ANTXR2: variants seen among roughly 807,000 people sequenced by gnomAD.
ANTXR2 encodes the protein anthrax toxin receptor 2.
A neutral mutation model predicts 73.7 loss-of-function variants in ANTXR2; 44 were observed. The observed-to-expected ratio is 0.60, with a 90% CI of 0.47 to 0.77. The LOEUF (loss-of-function observed/expected upper bound fraction) is 0.77, where lower values mean the gene tolerates loss of function less well. ANTXR2 is among the 30% of genes least tolerant of loss of function. The pLI is 0.00. For missense variants in ANTXR2, 604 were observed against 592.5 expected, an observed-to-expected ratio of 1.02 and a Z score of -0.20; for synonymous variants, 217 against 205.9, an observed-to-expected ratio of 1.05 and a Z score of -0.46.
chr4:80,066,789 G>C (rs1734518455), intron 3 of ANTXR2, among the ~76,000 whole-genome samples: 1 of 152,100 alleles, frequency 6.6e-6, no homozygotes, highest in Admixed American at 6.5e-5. Context: ...AGCATAAAGA[G>C]GTTAAGCAAC....
chr4:80,017,070 C>T (rs1383630728), intron 11 of ANTXR2, among the ~76,000 whole-genome samples: 1 of 152,234 alleles, frequency 6.6e-6, no homozygotes, highest in Non-Finnish European at 1.5e-5. Context: ...CAAATCATGT[C>T]ACCTTCCAAG....
At chr4:80,019,848 C>T (rs1732071666) in intron 10 of ANTXR2, among the ~76,000 whole-genome samples, 1 of 151,948 alleles carries the variant, frequency 6.6e-6, no homozygotes, top group South Asian at 2.1e-4. Flanking sequence ...AAATATAGTT[C>T]TTATTTTGAA....
chr4:79,936,932 C>A (rs1205248453), intron 16 of ANTXR2, among the ~76,000 whole-genome samples: 3 of 151,994 alleles, frequency 2.0e-5, no homozygotes, highest in Non-Finnish European at 4.4e-5. Context: ...TTTTTTCTAT[C>A]ACTTGTATAA....
chr4:79,952,123 G>A (rs1415956008), intron 16 of ANTXR2, among the ~76,000 whole-genome samples: 1 of 151,250 alleles, frequency 6.6e-6, no homozygotes, highest in African/African-American at 2.4e-5. Flanking sequence ...ATTATTTGAT[G>A]TGGAATTATA....
intron 16 of ANTXR2, among the ~76,000 whole-genome samples, chr4:79,952,007 G>A (rs531381730): frequency 2.6e-5 from 4 of 151,960 alleles, no homozygotes; most frequent in Middle Eastern, 3.4e-3. Context: ...AAATATTTTG[G>A]GGTTTCAAAG....
In ANTXR2 at chr4:80,055,416, T is replaced by A. The variant is rs771110383; in HGVS notation, c.430A>T (p.Ile144Phe). The change falls in exon 5 of 17, where the codon ATT becomes TTT. Residue 144 changes from isoleucine (I) to phenylalanine (F), a missense_variant. Ile to Phe is a conservative substitution (Grantham distance 21). Transcript: ENST00000403729. The stretch of plus-strand genomic sequence containing the variant: ...TCCAACTTGCCATCTGTCAGAGCAA[T>A]TATGATACTGGAGGTTTTCAAGCCT... The part of the protein sequence containing the change: ...AGGLKTSSII[I>F]ALTDGKLDGL... 6.2e-7 allele frequency: 1 copy of A among 1,611,218 alleles called. No individual in the cohort carries two copies. Among genetic ancestry groups the A allele is most frequent in the East Asian group, 2.2e-5 (1 of 44,802 alleles).
At chr4:80,008,244 T>C (rs1731404280) in intron 12 of ANTXR2, among the ~76,000 whole-genome samples, 1 of 152,208 alleles carries the variant, frequency 6.6e-6, no homozygotes, top group African/African-American at 2.4e-5. Flanking sequence ...TCTCTTGCAC[T>C]TGAATGAAAA....
At chr4:79,963,948 A>G (rs1316465437) in intron 16 of ANTXR2, among the ~76,000 whole-genome samples, 1 of 152,236 alleles carries the variant, frequency 6.6e-6, no homozygotes, top group Non-Finnish European at 1.5e-5. Context: ...ATAGGAATGA[A>G]GTCTTTATGA....
In ANTXR2 at chr4:79,973,465, G is replaced by A. The variant is rs527459283; in HGVS notation, c.1428+4156C>T. Among the ~76,000 whole-genome samples the A allele has an allele frequency of 1.8e-4, 28 of 151,986 alleles. No individual in the cohort carries two copies. The South Asian group carries it at 2.9e-3, about 16-fold the overall frequency. On this transcript the variant is annotated intron_variant, in intron 16 of 16. Transcript: ENST00000403729. ...CTGTTGTCCAGGCTGGAGGGCAGTG[G>A]TGCGATCTCAGCTCACTACTGCGAT...
rs1228326076 is a variant in ANTXR2, at chr4:79,902,979, A to C, written c.*4450T>G. 1 of 151,860 alleles carries C rather than the reference A, an allele frequency of 6.6e-6. No homozygotes were observed. The highest frequency in any genetic ancestry group is 1.9e-4 in the East Asian group (1 of 5,168). 9.4% of individuals were successfully genotyped at this position (151,860 alleles called of 1,614,324 possible). On this transcript the variant is annotated 3_prime_UTR_variant, in exon 17 of 17. Coordinates refer to ENST00000403729, the MANE Select transcript of ANTXR2 (RefSeq NM_058172.6). Reference sequence around the variant, plus strand: ...AGTCTGAGCAACATAGCGAAACCCCATTTCTACAAAAATACAAGAGTTAGC... The same window carrying C: ...AGTCTGAGCAACATAGCGAAACCCCCTTTCTACAAAAATACAAGAGTTAGC...
chr4:79,918,942 G>A (rs569384270), intron 16 of ANTXR2, among the ~76,000 whole-genome samples: 3 of 152,140 alleles, frequency 2.0e-5, no homozygotes, highest in Non-Finnish European at 4.4e-5. Flanking sequence ...TGCAATGTTC[G>A]CATATTGTTC....
At position 79,986,152 on chromosome 4, in the gene ANTXR2, A is replaced by G. The variant is rs575928133; in HGVS notation, c.1042-1289T>C. On this transcript the variant is annotated intron_variant, in intron 12 of 16. Coordinates refer to ENST00000403729, the MANE Select transcript of ANTXR2 (RefSeq NM_058172.6). ...ATAGAATGGGGCTTAATTTGAAATG[A>G]CCTTTACTGGTATTGGGCTATCTGG... is the stretch of plus-strand genomic sequence containing the variant. 3.9e-5 allele frequency among the ~76,000 whole-genome samples: 6 copies of G among 152,176 alleles called. No individual in the cohort carries two copies. The East Asian group carries it at 9.7e-4, about 25-fold the overall frequency.
chr4:80,065,596 C>T (rs1188732598), intron 3 of ANTXR2, among the ~76,000 whole-genome samples: 2 of 152,142 alleles, frequency 1.3e-5, no homozygotes, highest in Non-Finnish European at 2.9e-5. Flanking sequence ...TTTTAAGTTA[C>T]GAGTATATAA....
rs142580238 is a variant in ANTXR2, at chr4:79,979,474, T to C, written c.1180-1300A>G. ...AATTAGTGGGTAGGGATAGAGAAGA[T>C]TACTATTCATGGAAAGAACTATTCA... On this transcript the variant is annotated intron_variant, in intron 14 of 16. Transcript: ENST00000403729. 3.9e-5 allele frequency among the ~76,000 whole-genome samples: 6 copies of C among 152,280 alleles called. No homozygotes were observed. In the East Asian group the frequency reaches 1.2e-3, roughly 29 times the overall value.
intron 16 of ANTXR2, among the ~76,000 whole-genome samples, chr4:79,963,159 G>T (rs1376273034): frequency 6.6e-6 from 1 of 152,102 alleles, no homozygotes; most frequent in Admixed American, 6.5e-5. Flanking sequence ...CCTTGAGAAG[G>T]TTGTAATCAT....
chr4:80,031,602 T>C (rs1167923214), intron 10 of ANTXR2, 21 bp downstream of exon 10: 1 of 1,434,822 alleles, frequency 7.0e-7, no homozygotes, highest in Admixed American at 2.8e-5. Flanking sequence ...GTTATAAAAT[T>C]GTTTTAAATT....
chr4:80,051,590 C>T (rs982860580), intron 7 of ANTXR2, among the ~76,000 whole-genome samples: 4 of 151,640 alleles, frequency 2.6e-5, no homozygotes, highest in African/African-American at 9.7e-5. Context: ...ACCATGTTTG[C>T]CTGGATAGAA....
At chr4:80,014,543 C>G (rs566278394) in intron 11 of ANTXR2, among the ~76,000 whole-genome samples, 2 of 151,774 alleles carry the variant, frequency 1.3e-5, no homozygotes, top group African/African-American at 4.8e-5. Flanking sequence ...TCCAGCCTAC[C>G]AACAGAACAA....
chr4:80,001,003 T>C (rs1731003108), intron 12 of ANTXR2, among the ~76,000 whole-genome samples: 1 of 152,016 alleles, frequency 6.6e-6, no homozygotes, highest in Admixed American at 6.6e-5. Context: ...CTTCTGAAAA[T>C]TGTAAACCCG....
Sources: allele counts gnomAD v4.1 joint callset (sites outside exome capture counted in the v4.1 genomes callset), GRCh38; gene constraint gnomAD v4.1.1; transcripts MANE v1.5; gene names NCBI Gene and HGNC (gene_info 2026-07-23, HGNC 2026-07-21).